LRRD1: variants seen among roughly 807,000 people sequenced by gnomAD.
LRRD1 encodes the protein leucine-rich repeat and death domain-containing protein 1.
In LRRD1, 49 loss-of-function variants were observed where a neutral mutation model predicts 69.5. The ratio of observed to expected loss-of-function variants is 0.70; its 90% CI spans 0.56 to 0.89. The LOEUF (loss-of-function observed/expected upper bound fraction) is 0.89. Ranked by LOEUF, LRRD1 falls within the 40% of genes least tolerant of loss-of-function variation. LRRD1 has a pLI of 0.00. For missense variants in LRRD1, 853 were observed against 956.0 expected, an observed-to-expected ratio of 0.89 and a Z score of 1.42; for synonymous variants, 303 against 338.9, an observed-to-expected ratio of 0.89 and a Z score of 1.16.
chr7:92,161,439 G>A (rs1413444547), intron 2 of LRRD1, among the ~76,000 whole-genome samples: 1 of 152,218 alleles, frequency 6.6e-6, no homozygotes, highest in Non-Finnish European at 1.5e-5. Context: ...TACGCAATTT[G>A]GATTCCTGAC....
chr7:92,164,804 AT>A lies in LRRD1; in HGVS notation c.398del (p.Asn133IlefsTer7). On this transcript the variant is annotated frameshift_variant, in exon 2 of 6. Coordinates refer to ENST00000458448, the MANE Select transcript of LRRD1 (RefSeq NM_001161528.2). LOFTEE classifies it high-confidence loss of function. ...CTGCCCCTAGGCCAAGTTGTTTCTGATTTTCTTCAGAGACTTGTGGACTAAC... is the reference window on the plus strand; with the variant it reads ...CTGCCCCTAGGCCAAGTTGTTTCTGATTTCTTCAGAGACTTGTGGACTAAC... ...GEVSPQVSEENQKQLGLGADN... is the reference protein window; with the variant it reads ...GEVSPQVSEEXQKQLGLGADN... 1 of 1,551,502 alleles carries A rather than the reference AT, an allele frequency of 6.4e-7. No individual in the cohort carries two copies. The highest frequency in any genetic ancestry group is 1.2e-5 in the South Asian group (1 of 84,056).
chr7:92,148,252 C>T (rs1820378210), intron 4 of LRRD1, among the ~76,000 whole-genome samples: 1 of 151,874 alleles, frequency 6.6e-6, no homozygotes, highest in East Asian at 1.9e-4. Context: ...GCCAAAAGGC[C>T]GAGAAGCAAT....
At position 92,145,999 on chromosome 7, in the gene LRRD1, G is replaced by A. The variant is rs1010645250; in HGVS notation, c.2396+84C>T. Reference sequence around the variant, plus strand: ...AGCAAAGTAGAGATTGTGTTAATACGAATGTTTCAAAACCATGCAATATCA... The same window carrying A: ...AGCAAAGTAGAGATTGTGTTAATACAAATGTTTCAAAACCATGCAATATCA... On this transcript the variant is annotated intron_variant, in intron 5 of 5. Coordinates refer to ENST00000458448, the MANE Select transcript of LRRD1 (RefSeq NM_001161528.2). 4.1e-5 allele frequency: 28 copies of A among 691,178 alleles called. No homozygotes were observed. The East Asian group carries it at 6.3e-4, about 16-fold the overall frequency. 42.8% of individuals were successfully genotyped at this position (691,178 alleles called of 1,614,324 possible). A position where few individuals can be genotyped will look rare whatever the true frequency, so the allele number is the denominator to read the frequency against.
chr7:92,144,805 T>C (rs1473035154), downstream of LRRD1: 2 of 775,316 alleles, frequency 2.6e-6, no homozygotes, highest in African/African-American at 1.7e-5. Context: ...TCTTGTATGA[T>C]AAAGTGAAGT....
In LRRD1 at chr7:92,164,080, T is replaced by C. The variant is rs1446525186; in HGVS notation, c.1123A>G (p.Arg375Gly). Residue 375 changes from arginine to glycine, a missense_variant, in exon 2 of 6, where the codon AGG becomes GGG. Transcript: ENST00000458448. ...SHKIENFRELRILILDKNLLK... is the reference protein window; with the variant it reads ...SHKIENFRELGILILDKNLLK... ...AAATTTTTATCAAGTATAAGAATCC[T>C]AAGTTCCCTGAAATTCTCAATTTTG... 1 of 1,548,024 alleles carries C rather than the reference T, an allele frequency of 6.5e-7. No individual in the cohort carries two copies. Among genetic ancestry groups the C allele is most frequent in the East Asian group, 2.5e-5 (1 of 40,782 alleles).
At chr7:92,147,144 G>A (rs989935343) in intron 4 of LRRD1, among the ~76,000 whole-genome samples, 1 of 149,324 alleles carries the variant, frequency 6.7e-6, no homozygotes, top group Non-Finnish European at 1.5e-5. Context: ...TGGTCTCACC[G>A]CAACCTCTGC....
chr7:92,150,442 G>A (rs1477431406), intron 4 of LRRD1, 92 bp downstream of exon 4: 2 of 1,120,144 alleles, frequency 1.8e-6, no homozygotes, highest in Non-Finnish European at 2.4e-6. Context: ...TCCAGCCTGG[G>A]TGTCAGAGTG....
At chr7:92,158,097 C>A (rs761654955) in intron 3 of LRRD1, among the ~76,000 whole-genome samples, 14 of 152,112 alleles carry the variant, frequency 9.2e-5, no homozygotes, top group Non-Finnish European at 1.9e-4. Context: ...TCCTGTTACC[C>A]CCTTGTGTAG....
chr7:92,146,924 T>TAAA (rs368643858), intron 4 of LRRD1, among the ~76,000 whole-genome samples: 1 of 119,556 alleles, frequency 8.4e-6, no homozygotes. Context: ...CTCCGTCTCA[T>TAAA]AAAAAAAAAA....
At chr7:92,161,585 A>G (rs1788796347) in intron 2 of LRRD1, among the ~76,000 whole-genome samples, 2 of 152,266 alleles carry the variant, frequency 1.3e-5, no homozygotes, top group African/African-American at 4.8e-5. Context: ...GGTTGTAGAC[A>G]GTGACACTGG....
chr7:92,163,691 C>T lies in LRRD1; in HGVS notation c.1512G>A (p.Val504=). ...GCAGTTGTTTACTGAAAGATATATC[C>T]ACAGGTATTTCTGAAATATAATTTC... ...VNGNYISEIP[V]DISFSKQLLH... Residue 504 remains valine, a synonymous_variant, in exon 2 of 6, where the codon GTG becomes GTA. Transcript: ENST00000458448. 1 of 1,499,468 alleles carries T rather than the reference C, an allele frequency of 6.7e-7. No individual in the cohort carries two copies. The highest frequency in any genetic ancestry group is 8.9e-7 in the Non-Finnish European group (1 of 1,127,206). The allele number at this position is 1,499,468 out of a possible 1,614,324, so 92.9% of individuals were successfully genotyped here.
chr7:92,153,258 T>A (rs907372309), intron 3 of LRRD1, among the ~76,000 whole-genome samples: 29 of 151,206 alleles, frequency 1.9e-4, no homozygotes, highest in African/African-American at 6.8e-4. Context: ...AGAGATGGGG[T>A]TTCACTATGT....
chr7:92,164,789 G>C lies in LRRD1; in HGVS notation c.414C>G (p.Gly138=). ...QVSEENQKQL[G]LGADNFTVNL... is the part of the protein sequence containing the mutation. ...TAACTGTAAAGTTATCTGCCCCTAGGCCAAGTTGTTTCTGATTTTCTTCAG... is the reference window on the plus strand; with the variant it reads ...TAACTGTAAAGTTATCTGCCCCTAGCCCAAGTTGTTTCTGATTTTCTTCAG... Residue 138 remains glycine (G), a synonymous_variant, in exon 2 of 6, where the codon GGC becomes GGG. Transcript: ENST00000458448. The C allele has an allele frequency of 2.6e-6, 4 of 1,551,450 alleles. No individual in the cohort carries two copies. The highest frequency in any genetic ancestry group is 2.6e-6 in the Non-Finnish European group (3 of 1,146,892).
chr7:92,163,479 A>G lies in LRRD1; in HGVS notation c.1724T>C (p.Leu575Ser). The change falls in exon 2 of 6, where the codon TTG becomes TCG. Residue 575 changes from leucine to serine, a missense_variant. By Grantham distance (145) the Leu-to-Ser change is moderately radical. Transcript: ENST00000458448. ...TACTTGCAAATTTTCTAAAGTACAC[A>G]ATTCTCTAGGGAAAGTTTCAAATTT... The part of the protein sequence containing the change: ...CNKFETFPRE[L>S]CTLENLQVLD... 1 of 1,534,096 alleles carries G rather than the reference A, an allele frequency of 6.5e-7. No homozygotes were observed. Among genetic ancestry groups the G allele is most frequent in the Non-Finnish European group, 8.8e-7 (1 of 1,140,802 alleles).
At position 92,150,521 on chromosome 7, in the gene LRRD1, A is replaced by G; in HGVS notation, c.2278+13T>C. On this transcript the variant is annotated intron_variant, in intron 4 of 5. Coordinates refer to ENST00000458448, the MANE Select transcript of LRRD1 (RefSeq NM_001161528.2). ...GAAATGACTTGTTAGATAGTCAATC[A>G]CTCATCACCTACCATCTCTTTCATC... The G allele has an allele frequency of 1.3e-6, 2 of 1,500,352 alleles. No homozygotes were observed. The highest frequency in any genetic ancestry group is 8.9e-7 in the Non-Finnish European group (1 of 1,123,444). 92.9% of individuals were successfully genotyped at this position (1,500,352 alleles called of 1,614,324 possible).
intron 2 of LRRD1, among the ~76,000 whole-genome samples, chr7:92,161,383 G>A (rs1462179099): frequency 1.3e-5 from 2 of 152,234 alleles, no homozygotes; most frequent in African/African-American, 4.8e-5. Flanking sequence ...TTGCAAATAT[G>A]TGGACTGTTG....
chr7:92,175,429 C>T (rs912743025), intron 1 of LRRD1, among the ~76,000 whole-genome samples: 10 of 152,116 alleles, frequency 6.6e-5, no homozygotes, highest in Admixed American at 4.6e-4. Flanking sequence ...AGTTGGATCA[C>T]CCGAGGTCAG....
downstream of LRRD1, chr7:92,141,794 G>A (rs1351028718): frequency 6.6e-6 from 1 of 152,100 alleles, no homozygotes; most frequent in Non-Finnish European, 1.5e-5. Flanking sequence ...AGAGACACAG[G>A]CTGTATAGTT....
At chr7:92,142,563 T>C, downstream of LRRD1, 1 of 455,974 alleles carries the variant, frequency 2.2e-6, no homozygotes, top group South Asian at 1.6e-5. Context: ...ATTGGTGGGT[T>C]CTTCGTCTCA....
Sources: gnomAD v4.1 joint callset for allele counts (sites outside exome capture counted in the v4.1 genomes callset) on GRCh38, gnomAD v4.1.1 for gene constraint, MANE v1.5 for transcripts, NCBI Gene and HGNC (gene_info 2026-07-23, HGNC 2026-07-21) for gene names.